S100Z: variants seen among roughly 807,000 people sequenced by gnomAD.
S100Z encodes protein S100-Z.
S100Z carries 11 observed loss-of-function variants against 8.5 expected under a neutral mutation model. The ratio of observed to expected loss-of-function variants is 1.30; its 90% CI spans 0.82 to 2.15. The LOEUF is 2.15. Among genes scored for constraint, S100Z ranks in the 30% most tolerant of loss-of-function variants. The pLI, the probability that S100Z is intolerant of heterozygous loss-of-function variation, is 0.00. For synonymous variants in S100Z, 34 were observed against 43.8 expected, an observed-to-expected ratio of 0.78 and a Z score of 0.89; for missense variants, 126 against 117.9, an observed-to-expected ratio of 1.07 and a Z score of -0.32.
intron 1 of S100Z, among the ~76,000 whole-genome samples, chr5:76,869,547 G>A (rs1001096209): frequency 1.5e-4 from 23 of 152,310 alleles, no homozygotes; most frequent in Middle Eastern, 3.4e-3. Flanking sequence ...GGCCAGGAGC[G>A]TGGGTGTTGA....
At chr5:76,891,588 G>A (rs931826819) in intron 4 of S100Z, among the ~76,000 whole-genome samples, 5 of 152,112 alleles carry the variant, frequency 3.3e-5, no homozygotes, top group South Asian at 2.1e-4. Flanking sequence ...CAAACTCCCA[G>A]GTGTTGCTGA....
intron 4 of S100Z, among the ~76,000 whole-genome samples, chr5:76,912,113 A>C (rs1744685765): frequency 6.6e-6 from 1 of 152,122 alleles, no homozygotes; most frequent in Non-Finnish European, 1.5e-5. Flanking sequence ...AGGCTATCAA[A>C]ATAATACAAG....
At chr5:76,938,060 CTCCAACCTGGGCAACAGTATGAG>C in the S100Z span, among the ~76,000 whole-genome samples, 1 of 152,012 alleles carries the variant, frequency 6.6e-6, no homozygotes, top group African/African-American at 2.4e-5. Flanking sequence ...CGCCACTGCA[CTCCAACCTGGGCAACAGTATGAG>C]ACTCTGTCTC....
At chr5:76,900,891 G>GAA (rs1744203633) in intron 4 of S100Z, among the ~76,000 whole-genome samples, 1 of 152,158 alleles carries the variant, frequency 6.6e-6, no homozygotes, top group Admixed American at 6.5e-5. Context: ...CCAGATATTT[G>GAA]AAAGGACTTG....
chr5:76,900,546 C>T (rs569555224), intron 4 of S100Z, among the ~76,000 whole-genome samples: 1 of 152,272 alleles, frequency 6.6e-6, no homozygotes, highest in East Asian at 1.9e-4. Flanking sequence ...ATGCCAATTG[C>T]ATTTTTTAGC....
chr5:76,948,365 A>G, the S100Z span, among the ~76,000 whole-genome samples: 2 of 138,164 alleles, frequency 1.4e-5, no homozygotes, highest in African/African-American at 5.2e-5. Context: ...TCTGCACAGC[A>G]AAGGAAATGA....
intron 1 of S100Z, among the ~76,000 whole-genome samples, chr5:76,867,742 C>T (rs757478018): frequency 6.6e-6 from 1 of 152,040 alleles, no homozygotes; most frequent in African/African-American, 2.4e-5. Flanking sequence ...TAACCATGCC[C>T]GACTAATTTT....
intron 4 of S100Z, among the ~76,000 whole-genome samples, chr5:76,890,803 A>T (rs1743831021): frequency 6.6e-6 from 1 of 152,142 alleles, no homozygotes; most frequent in Admixed American, 6.5e-5. Context: ...TAATGTGAGA[A>T]ATTTGAAATT....
rs115141394 is a variant in S100Z at position 76,908,363 on chromosome 5, A to G, written c.*3-12354A>G. On this transcript the variant is annotated intron_variant, in intron 4 of 4. Transcript: ENST00000317593. ...CAAGCAAGACTTGCCTATCTATCCT[A>G]TCTACCCTGACCCTTGCCTCCTGGG... Among the ~76,000 whole-genome samples, 1,182 of 152,166 alleles carry G rather than the reference A, an allele frequency of 7.8e-3. 13 individuals are homozygous for G. The highest frequency in any genetic ancestry group is 0.028 in the South Asian group (133 of 4,810).
the S100Z span, among the ~76,000 whole-genome samples, chr5:76,937,752 C>A: frequency 4.6e-3 from 338 of 73,134 alleles, no homozygotes; most frequent in Middle Eastern, 0.018. Context: ...GACCCTGTCT[C>A]AAAAAAAAAA....
At chr5:76,938,567 T>C in the S100Z span, among the ~76,000 whole-genome samples, 1 of 152,246 alleles carries the variant, frequency 6.6e-6, no homozygotes, top group African/African-American at 2.4e-5. Flanking sequence ...TGTCTTCTGA[T>C]GAACAGAAAT....
At chr5:76,876,535 A>C (rs957919402) in intron 3 of S100Z, among the ~76,000 whole-genome samples, 4 of 151,810 alleles carry the variant, frequency 2.6e-5, no homozygotes, top group African/African-American at 7.3e-5. Context: ...CACCCAGCTA[A>C]GTTTTTTGTA....
chr5:76,911,695 C>T (rs934923593), intron 4 of S100Z, among the ~76,000 whole-genome samples: 50 of 152,198 alleles, frequency 3.3e-4, no homozygotes, highest in African/African-American at 1.0e-3. Flanking sequence ...ATCTCTTGAA[C>T]TTTCTAGCTA....
chr5:76,887,940 C>T (rs1743706243), intron 4 of S100Z, among the ~76,000 whole-genome samples: 1 of 151,938 alleles, frequency 6.6e-6, no homozygotes. Context: ...TTCTGTCTTT[C>T]AAAAGTTATG....
intron 4 of S100Z, among the ~76,000 whole-genome samples, chr5:76,920,345 A>G (rs1744999975): frequency 6.6e-6 from 1 of 152,130 alleles, no homozygotes; most frequent in African/African-American, 2.4e-5. Context: ...TAACTTTTTT[A>G]TATGTTTACT....
chr5:76,896,888 G>C (rs913282412), intron 4 of S100Z, among the ~76,000 whole-genome samples: 3 of 151,776 alleles, frequency 2.0e-5, no homozygotes, highest in Admixed American at 6.6e-5. Context: ...GGATTATTAG[G>C]TTTTTTTTCC....
the S100Z span, among the ~76,000 whole-genome samples, chr5:76,930,932 C>G: frequency 6.6e-6 from 1 of 152,018 alleles, no homozygotes; most frequent in Non-Finnish European, 1.5e-5. Context: ...AAATGGACAC[C>G]TAAATCAATT....
intron 4 of S100Z, among the ~76,000 whole-genome samples, chr5:76,901,152 A>G (rs1176213949): frequency 6.9e-6 from 1 of 144,584 alleles, no homozygotes; most frequent in African/African-American, 2.9e-5. Context: ...GGCCACCACC[A>G]CAATGACTGT....
intron 1 of S100Z, among the ~76,000 whole-genome samples, chr5:76,869,473 G>T (rs1051731595): frequency 6.6e-6 from 1 of 152,190 alleles, no homozygotes; most frequent in Admixed American, 6.5e-5. Flanking sequence ...AACCTGCAAA[G>T]GCATGGAAGA....
Sources: gnomAD v4.1 joint callset for allele counts (sites outside exome capture counted in the v4.1 genomes callset) on GRCh38, gnomAD v4.1.1 for gene constraint, MANE v1.5 for transcripts, NCBI Gene and HGNC (gene_info 2026-07-23, HGNC 2026-07-21) for gene names.